The following PCDHA7 variants were observed in gnomAD, a reference collection of about 807,000 sequenced individuals.
The protein encoded by PCDHA7 is protocadherin alpha 7, also known as protocadherin alpha-7.
Under a neutral mutation model 57.2 loss-of-function variants are expected in PCDHA7, and 37 were observed. The observed-to-expected ratio is 0.65, with a 90% confidence interval of 0.50 to 0.85. PCDHA7 has a LOEUF of 0.85. PCDHA7 is among the 40% of genes least tolerant of loss of function. The pLI is 0.00. For synonymous variants in PCDHA7, 553 were observed against 558.8 expected (o/e 0.99, Z 0.15); for missense variants, 1,188 against 1,241.8 (o/e 0.96, Z 0.65).
chr5:140,969,168 C>T (rs1554231530), intron 1 of PCDHA7: 2 of 1,614,088 alleles, frequency 1.2e-6, no homozygotes, highest in Non-Finnish European at 1.7e-6. Flanking sequence ...ACAGCAGGCT[C>T]AGGGAGTGAC....
At chr5:140,877,311 G>A (rs200978234) in intron 1 of PCDHA7, 2 of 1,613,852 alleles carry the variant, frequency 1.2e-6, no homozygotes, top group Admixed American at 3.3e-5. Flanking sequence ...AGTTGCAACC[G>A]GCGGCGGTCG....
At chr5:140,951,312 A>G (rs1316911878) in intron 1 of PCDHA7, among the ~76,000 whole-genome samples, 1 of 152,146 alleles carries the variant, frequency 6.6e-6, no homozygotes, top group Non-Finnish European at 1.5e-5. Flanking sequence ...TTAATGTGTT[A>G]TTCTTGAGAT....
intron 1 of PCDHA7, chr5:140,869,798 T>G: frequency 6.2e-7 from 1 of 1,612,730 alleles, no homozygotes; most frequent in Non-Finnish European, 8.5e-7. Context: ...TTAGTCCAAG[T>G]CTTGGATGTC....
chr5:140,900,424 C>T (rs557118930), intron 1 of PCDHA7, among the ~76,000 whole-genome samples: 151 of 152,214 alleles, frequency 9.9e-4, no homozygotes, highest in African/African-American at 3.3e-3. Flanking sequence ...ATTATAGGCA[C>T]GTGCCACCAC....
chr5:140,980,110 A>G (rs2096876892), intron 2 of PCDHA7, among the ~76,000 whole-genome samples: 1 of 152,208 alleles, frequency 6.6e-6, no homozygotes, highest in Admixed American at 6.5e-5. Context: ...GTCACATTGG[A>G]ACCTGGGTCA....
chr5:140,859,050 C>T lies in PCDHA7; in HGVS notation c.2355+22312C>T, dbSNP rs1375477710. ...TGCTTTGAACTTTAAAAACGTTTTC[C>T]ATTTTTATTTTAGTTGTAGTGGTAC... On this transcript the variant is annotated intron_variant, in intron 1 of 3. Transcript: ENST00000525929. 1.3e-5 allele frequency: 2 copies of T among 150,490 alleles called. 1 individual carries two copies. The highest frequency in any genetic ancestry group is 3.0e-5 in the Non-Finnish European group (2 of 67,566). The allele number at this position is 150,490 out of a possible 1,614,324, so 9.3% of individuals were successfully genotyped here.
chr5:140,857,567 G>A, intron 1 of PCDHA7: 1 of 1,596,986 alleles, frequency 6.3e-7, no homozygotes, highest in South Asian at 1.1e-5. Flanking sequence ...GTCGAGCTAC[G>A]TGTCGGTGCA....
At chr5:140,967,046 C>T in intron 1 of PCDHA7, 1 of 1,612,334 alleles carries the variant, frequency 6.2e-7, no homozygotes, top group African/African-American at 1.3e-5. Context: ...GGAGCTGGAC[C>T]TGACGAGTGG....
chr5:140,869,572 G>A (rs375272234), intron 1 of PCDHA7: 1 of 1,614,060 alleles, frequency 6.2e-7, no homozygotes, highest in Non-Finnish European at 8.5e-7. Flanking sequence ...ACTAGAGGGA[G>A]CTTCTGATGC....
intron 1 of PCDHA7, chr5:140,929,505 C>A: frequency 1.2e-6 from 1 of 840,606 alleles, no homozygotes; most frequent in Non-Finnish European, 1.7e-6. Flanking sequence ...TGCCCTAGGC[C>A]TCAAGGGACT....
intron 1 of PCDHA7, chr5:140,875,323 A>G: frequency 2.1e-6 from 3 of 1,427,940 alleles, no homozygotes; most frequent in South Asian, 3.2e-5. Flanking sequence ...CCAATCATTC[A>G]CGGAATAGGA....
intron 1 of PCDHA7, chr5:140,882,698 G>C: frequency 1.2e-6 from 2 of 1,614,200 alleles, no homozygotes; most frequent in Non-Finnish European, 1.7e-6. Flanking sequence ...AATCATTGCA[G>C]AATCTAGACC....
intron 1 of PCDHA7, among the ~76,000 whole-genome samples, chr5:140,957,130 A>G (rs1554222831): frequency 6.6e-6 from 1 of 152,188 alleles, no homozygotes; most frequent in East Asian, 1.9e-4. Context: ...TCTTTACTAC[A>G]CTATGAACTA....
At chr5:140,980,585 G>A (rs1181393743) in intron 2 of PCDHA7, among the ~76,000 whole-genome samples, 2 of 151,902 alleles carry the variant, frequency 1.3e-5, no homozygotes, top group African/African-American at 2.4e-5. Flanking sequence ...AGCCAAGATC[G>A]AGCCACTGCA....
chr5:140,881,301 A>C (rs1432436745), intron 1 of PCDHA7: 2 of 957,940 alleles, frequency 2.1e-6, no homozygotes, highest in Admixed American at 1.2e-4. Context: ...TGGAAACTTT[A>C]ACCTCCTGGT....
intron 1 of PCDHA7, among the ~76,000 whole-genome samples, chr5:140,926,157 C>T (rs1264983904): frequency 4.0e-5 from 6 of 151,736 alleles, no homozygotes; most frequent in Non-Finnish European, 8.8e-5. Flanking sequence ...GAAAGCTCTG[C>T]AGCAGGATCC....
chr5:141,008,766 A>G (rs2098390228), intron 3 of PCDHA7, among the ~76,000 whole-genome samples: 1 of 152,246 alleles, frequency 6.6e-6, no homozygotes, highest in Non-Finnish European at 1.5e-5. Context: ...TTTGGCTTGG[A>G]AAGTAAAATT....
intron 3 of PCDHA7, among the ~76,000 whole-genome samples, chr5:141,003,696 T>C (rs1554259206): frequency 6.6e-6 from 1 of 152,210 alleles, no homozygotes; most frequent in East Asian, 1.9e-4. Flanking sequence ...AATATATCCC[T>C]ACCAATTGTG....
chr5:140,952,157 T>TG (rs771517820), intron 1 of PCDHA7, among the ~76,000 whole-genome samples: 33 of 152,162 alleles, frequency 2.2e-4, no homozygotes, highest in Non-Finnish European at 4.3e-4. Flanking sequence ...TGTGGCTTTG[T>TG]GGGGTTCAGT....
Sources: allele counts gnomAD v4.1 joint callset (sites outside exome capture counted in the v4.1 genomes callset), GRCh38; gene constraint gnomAD v4.1.1; transcripts MANE v1.5; gene names NCBI Gene and HGNC (gene_info 2026-07-23, HGNC 2026-07-21).